UBA2: variants seen among roughly 807,000 people sequenced by gnomAD.
UBA2 encodes the protein ubiquitin like modifier activating enzyme 2.
Under a neutral mutation model 77.2 loss-of-function variants are expected in UBA2, and 11 were observed. That is an observed-to-expected ratio of 0.14 (90% CI 0.09 to 0.24). UBA2 has a LOEUF of 0.24. Ranked by LOEUF, UBA2 falls within the 10% of genes least tolerant of loss-of-function variation. The probability of loss-of-function intolerance (pLI) is 1.00; values close to 1 mark genes in which losing one functional copy is unlikely to be tolerated. For synonymous variants in UBA2, 278 were observed against 276.7 expected (o/e 1.00, Z -0.05); for missense variants, 487 against 781.7 (o/e 0.62, Z 4.50).
chr19:34,464,252 A>G (rs919733047), intron 15 of UBA2, 121 bp downstream of exon 15: 1 of 661,532 alleles, frequency 1.5e-6, no homozygotes. Context: ...TGTATAGTAT[A>G]TTTGGTTGAG....
In UBA2 at chr19:34,441,835, C is replaced by T. The variant is rs552773648; in HGVS notation, c.582-2009C>T. Among the ~76,000 whole-genome samples the T allele has an allele frequency of 1.1e-3, 172 of 151,046 alleles. 1 individual carries two copies. The highest frequency in any genetic ancestry group is 3.4e-3 in the Middle Eastern group (1 of 294). On this transcript the variant is annotated intron_variant, in intron 6 of 16. Transcript: ENST00000246548. ...ACTCGGGAGGCTGAGCCATGAGAGC[C>T]GCTTGAACCTGGGAGGCGGAGGTTG...
At chr19:34,449,203 G>A (rs1394716229) in intron 8 of UBA2, among the ~76,000 whole-genome samples, 1 of 151,520 alleles carries the variant, frequency 6.6e-6, no homozygotes, top group East Asian at 1.9e-4. Context: ...CCGAGTAGCT[G>A]GGATTACAGG....
Position 34,464,029 on chromosome 19 carries a change from A to C in UBA2, c.1502A>C (p.Asn501Thr), listed in dbSNP as rs1402899415. 1 of 1,609,888 alleles carries C rather than the reference A, an allele frequency of 6.2e-7. No individual in the cohort carries two copies. The highest frequency in any genetic ancestry group is 8.5e-7 in the Non-Finnish European group (1 of 1,176,272). The change falls in exon 15 of 17, where the codon AAT becomes ACT. Residue 501 changes from asparagine (N) to threonine (T), a missense_variant. Physicochemically the swap from Asn to Thr is moderately conservative, Grantham distance 65. Around this residue, in one of 9 missense-constraint regions of UBA2, gnomAD observed 300 missense variants for 454.3 expected, o/e 0.66. Coordinates refer to ENST00000246548, the MANE Select transcript of UBA2 (RefSeq NM_005499.3). ...ISSEEGETEA[N>T]NHKKLSEFGI... The stretch of plus-strand genomic sequence containing the variant: ...CTAAATTATTCACGTTTCCTAGCTA[A>C]TAATCACAAGAAGTTGTCAGAATTT...
intron 13 of UBA2, among the ~76,000 whole-genome samples, chr19:34,460,052 C>T (rs2075613987): frequency 6.6e-6 from 1 of 152,172 alleles, no homozygotes; most frequent in Non-Finnish European, 1.5e-5. Context: ...AATATTATCA[C>T]TTCTCTAAAT....
intron 12 of UBA2, among the ~76,000 whole-genome samples, chr19:34,457,875 C>T (rs900756897): frequency 2.0e-5 from 3 of 152,090 alleles, no homozygotes; most frequent in Non-Finnish European, 4.4e-5. Context: ...GTATATTTGC[C>T]TTGGTTCTTA....
At chr19:34,459,350 A>G (rs1010799340) in intron 13 of UBA2, among the ~76,000 whole-genome samples, 4 of 152,208 alleles carry the variant, frequency 2.6e-5, no homozygotes, top group Admixed American at 1.3e-4. Flanking sequence ...CCAGCTTTGT[A>G]TTAAAGGGTA....
intron 1 of UBA2, chr19:34,430,297 G>C (rs1053756473): frequency 3.3e-6 from 1 of 305,366 alleles, no homozygotes; most frequent in Non-Finnish European, 6.1e-6. Context: ...ATGGCATCCA[G>C]GGAGTTTCCT....
At chr19:34,444,031 GT>G in intron 7 of UBA2, 120 bp downstream of exon 7, 1 of 247,908 alleles carries the variant, frequency 4.0e-6, no homozygotes, top group South Asian at 7.7e-5. Context: ...TGTTTAACAT[GT>G]GTTTTTTTTT....
Position 34,431,244 on chromosome 19 carries a change from C to CTTTTTTTTTTTTTTTTTT in UBA2, c.222+592_223-593dup, listed in dbSNP as rs1184297228. 3.9e-4 allele frequency among the ~76,000 whole-genome samples: 27 copies of CTTTTTTTTTTTTTTTTTT among 69,388 alleles called. 1 individual carries two copies. The highest frequency in any genetic ancestry group is 5.2e-4 in the East Asian group (1 of 1,912). 45.5% of individuals were successfully genotyped at this position (69,388 alleles called of 152,430 possible). On this transcript the variant is annotated intron_variant, in intron 2 of 16. Coordinates refer to ENST00000246548, the MANE Select transcript of UBA2 (RefSeq NM_005499.3). ...TTTACTTTTCCTATCATTTTCTTTT[C>CTTTTTTTTTTTTTTTTTT]TTTTTTTTTTTTTTTTTTTTTTTTA...
At chr19:34,446,857 C>T (rs1004972016) in intron 8 of UBA2, among the ~76,000 whole-genome samples, 5 of 152,116 alleles carry the variant, frequency 3.3e-5, no homozygotes, top group African/African-American at 4.8e-5. Flanking sequence ...CTGCCTGCCT[C>T]GGCCTCCCAA....
chr19:34,448,179 G>A (rs2075451989), intron 8 of UBA2, among the ~76,000 whole-genome samples: 1 of 152,294 alleles, frequency 6.6e-6, no homozygotes, highest in South Asian at 2.1e-4. Flanking sequence ...ATCTGGGACA[G>A]TGCCCCTGGA....
chr19:34,458,475 G>T (rs1333211948), intron 12 of UBA2, among the ~76,000 whole-genome samples: 2 of 147,028 alleles, frequency 1.4e-5, no homozygotes, highest in African/African-American at 5.1e-5. Flanking sequence ...CAGGAGAATG[G>T]CGTGAACCCC....
intron 5 of UBA2, among the ~76,000 whole-genome samples, chr19:34,435,807 A>G (rs1369328853): frequency 6.7e-6 from 1 of 150,108 alleles, no homozygotes; most frequent in Non-Finnish European, 1.5e-5. Context: ...AGCCTGGGCA[A>G]CAGAGTGAGA....
intron 6 of UBA2, among the ~76,000 whole-genome samples, chr19:34,439,251 A>G (rs970146444): frequency 5.9e-5 from 9 of 151,950 alleles, no homozygotes; most frequent in Non-Finnish European, 1.5e-5. Context: ...CAGGAAACTT[A>G]GTCTTATATT....
intron 8 of UBA2, among the ~76,000 whole-genome samples, chr19:34,446,327 C>G (rs1238195674): frequency 2.0e-5 from 3 of 152,192 alleles, no homozygotes; most frequent in African/African-American, 7.2e-5. Context: ...AGAGACTGTT[C>G]CACATAACCG....
intron 8 of UBA2, among the ~76,000 whole-genome samples, chr19:34,445,583 T>A (rs966599410): frequency 2.6e-5 from 4 of 151,628 alleles, no homozygotes; most frequent in African/African-American, 4.8e-5. Flanking sequence ...GGATTACAGG[T>A]GTGTACCATC....
intron 5 of UBA2, 61 bp downstream of exon 5, chr19:34,435,029 G>A: frequency 3.5e-6 from 4 of 1,153,880 alleles, no homozygotes; most frequent in Non-Finnish European, 5.0e-6. Context: ...TGGAGCAGGA[G>A]GAAATAAACT....
In UBA2 at chr19:34,456,100, C is replaced by CTTTTTTTTTTTT. The variant is rs869118014; in HGVS notation, c.1245+1549_1245+1550insTTTTTTTTTTTT. 5.4e-3 allele frequency among the ~76,000 whole-genome samples: 300 copies of CTTTTTTTTTTTT among 55,792 alleles called. 55 individuals are homozygous for CTTTTTTTTTTTT. The highest frequency in any genetic ancestry group is 8.6e-3 in the Admixed American group (31 of 3,594). The allele number at this position is 55,792 out of a possible 152,430, so 36.6% of individuals were successfully genotyped here. A position where few individuals can be genotyped will look rare whatever the true frequency, so the allele number is the denominator to read the frequency against. On this transcript the variant is annotated intron_variant, in intron 12 of 16. Coordinates refer to ENST00000246548, the MANE Select transcript of UBA2 (RefSeq NM_005499.3). ...CCCGATGCGCTCTTTTTTTCCTTTTCTTTTTCTTTTTTTTTTTTTTTTTTG... is the reference window on the plus strand; with the variant it reads ...CCCGATGCGCTCTTTTTTTCCTTTTCTTTTTTTTTTTTTTTTTCTTTTTTTTTTTTTTTTTTG...
chr19:34,439,967 G>A (rs527818979), intron 6 of UBA2, among the ~76,000 whole-genome samples: 44 of 152,186 alleles, frequency 2.9e-4, no homozygotes, highest in African/African-American at 9.9e-4. Flanking sequence ...AAAAAAAAGG[G>A]ATGATAATAA....
Sources: gnomAD v4.1 joint callset for allele counts (sites outside exome capture counted in the v4.1 genomes callset) on GRCh38, gnomAD v4.1.1 for gene constraint, gnomAD v4.1.1 regional missense constraint, MANE v1.5 for transcripts, NCBI Gene and HGNC (gene_info 2026-07-23, HGNC 2026-07-21) for gene names.